FBXL7: variants seen among roughly 807,000 people sequenced by gnomAD.
FBXL7 encodes the protein F-box/LRR-repeat protein 7.
FBXL7 carries 12 observed loss-of-function variants against 38.3 expected under a neutral mutation model. The ratio of observed to expected loss-of-function variants is 0.31; its 90% CI spans 0.20 to 0.51. The LOEUF (loss-of-function observed/expected upper bound fraction) is 0.51. FBXL7 is among the 20% of genes least tolerant of loss of function. The pLI is 0.98. For synonymous variants in FBXL7, 297 were observed against 300.9 expected (o/e 0.99, Z 0.13); for missense variants, 567 against 676.4 (o/e 0.84, Z 1.79).
intron 2 of FBXL7, among the ~76,000 whole-genome samples, chr5:15,714,265 C>T (rs1380749981): frequency 6.6e-6 from 1 of 152,154 alleles, no homozygotes; most frequent in African/African-American, 2.4e-5. Context: ...TTGTTTAAAA[C>T]TGTGTGGCAC....
intron 2 of FBXL7, among the ~76,000 whole-genome samples, chr5:15,705,477 C>T (rs1743653813): frequency 6.6e-6 from 1 of 151,970 alleles, no homozygotes; most frequent in South Asian, 2.1e-4. Context: ...TTGGTCCTTG[C>T]CATTAAAGAG....
At chr5:15,784,227 C>T (rs928073434) in intron 2 of FBXL7, among the ~76,000 whole-genome samples, 9 of 152,114 alleles carry the variant, frequency 5.9e-5, no homozygotes, top group Admixed American at 3.9e-4. Flanking sequence ...AGTCAGGCAA[C>T]TCTGTGAGTA....
At chr5:15,546,486 G>A (rs1317342989) in intron 1 of FBXL7, among the ~76,000 whole-genome samples, 1 of 152,066 alleles carries the variant, frequency 6.6e-6, no homozygotes, top group Non-Finnish European at 1.5e-5. Flanking sequence ...AGAAATGCTT[G>A]AATCCGGGAT....
chr5:15,519,839 A>G (rs141317396), intron 1 of FBXL7, among the ~76,000 whole-genome samples: 93 of 152,318 alleles, frequency 6.1e-4, no homozygotes, highest in African/African-American at 2.1e-3. Context: ...GTCCAGATCC[A>G]GACCCTAAGA....
intron 2 of FBXL7, among the ~76,000 whole-genome samples, chr5:15,915,941 G>T (rs1366021334): frequency 6.6e-6 from 1 of 152,166 alleles, no homozygotes; most frequent in East Asian, 1.9e-4. Context: ...GGACTGATTA[G>T]ATATAGGTAG....
intron 2 of FBXL7, among the ~76,000 whole-genome samples, chr5:15,638,570 T>C (rs1741259900): frequency 6.6e-6 from 1 of 151,784 alleles, no homozygotes; most frequent in African/African-American, 2.4e-5. Flanking sequence ...GTCGAGTGCA[T>C]GCAGTAAGTG....
At chr5:15,634,384 C>T (rs535212951) in intron 2 of FBXL7, among the ~76,000 whole-genome samples, 10 of 143,530 alleles carry the variant, frequency 7.0e-5, no homozygotes, top group African/African-American at 2.1e-4. Flanking sequence ...TGCAGCAGTG[C>T]GATCTCAGCT....
intron 2 of FBXL7, among the ~76,000 whole-genome samples, chr5:15,845,440 A>T (rs1460564713): frequency 6.6e-6 from 1 of 152,058 alleles, no homozygotes; most frequent in African/African-American, 2.4e-5. Context: ...TAGCCAAGTA[A>T]CATACTTTTA....
intron 2 of FBXL7, among the ~76,000 whole-genome samples, chr5:15,913,597 C>T (rs1308633011): frequency 2.6e-5 from 4 of 152,078 alleles, no homozygotes; most frequent in African/African-American, 9.7e-5. Flanking sequence ...AAATTCAATA[C>T]TATGCCATCT....
At chr5:15,615,924 G>C (rs906596050) in intron 1 of FBXL7, 59 bp from the exon 2 acceptor site, 1 of 1,123,176 alleles carries the variant, frequency 8.9e-7, no homozygotes, top group Non-Finnish European at 1.3e-6. Flanking sequence ...CCGAGTGGAA[G>C]GCATGGTCCA....
intron 2 of FBXL7, among the ~76,000 whole-genome samples, chr5:15,633,354 A>G (rs1247962275): frequency 2.6e-5 from 4 of 152,196 alleles, no homozygotes; most frequent in Admixed American, 6.6e-5. Flanking sequence ...TTTTGTCAAC[A>G]TAAGTTTAGA....
At chr5:15,676,738 G>C (rs1742667169) in intron 2 of FBXL7, among the ~76,000 whole-genome samples, 1 of 152,166 alleles carries the variant, frequency 6.6e-6, no homozygotes, top group South Asian at 2.1e-4. Context: ...TGTTCAGAGG[G>C]GGCTGGCCAA....
chr5:15,858,858 TGTA>T (rs1402322360), intron 2 of FBXL7, among the ~76,000 whole-genome samples: 1 of 152,132 alleles, frequency 6.6e-6, no homozygotes, highest in Admixed American at 6.6e-5. Flanking sequence ...CCACCGGAAA[TGTA>T]GTATAATAAA....
intron 2 of FBXL7, among the ~76,000 whole-genome samples, chr5:15,647,297 G>C (rs1479055267): frequency 6.6e-6 from 1 of 152,222 alleles, no homozygotes; most frequent in Non-Finnish European, 1.5e-5. Context: ...GTAAGACACA[G>C]AAAAATCAAG....
At chr5:15,679,558 GTTTTT>G (rs34375125) in intron 2 of FBXL7, among the ~76,000 whole-genome samples, 3 of 125,134 alleles carry the variant, frequency 2.4e-5, no homozygotes, top group African/African-American at 3.0e-5. Context: ...ATGCTTCATT[GTTTTT>G]TTTTTTTTTT....
chr5:15,683,367 G>A (rs1742912250), intron 2 of FBXL7, among the ~76,000 whole-genome samples: 1 of 152,160 alleles, frequency 6.6e-6, no homozygotes, highest in African/African-American at 2.4e-5. Context: ...GGCTGAGCAG[G>A]GACCAGGACC....
At chr5:15,521,960 C>A (rs899311452) in intron 1 of FBXL7, among the ~76,000 whole-genome samples, 3 of 152,194 alleles carry the variant, frequency 2.0e-5, no homozygotes, top group African/African-American at 7.2e-5. Context: ...ATACCATTTT[C>A]ATTGCTGTTA....
chr5:15,643,342 G>A (rs1741428599), intron 2 of FBXL7, among the ~76,000 whole-genome samples: 1 of 152,142 alleles, frequency 6.6e-6, no homozygotes. Context: ...ATAAAATATA[G>A]CCAGGAATCA....
At chr5:15,717,956 A>G (rs1423896563) in intron 2 of FBXL7, among the ~76,000 whole-genome samples, 1 of 152,006 alleles carries the variant, frequency 6.6e-6, no homozygotes, top group African/African-American at 2.4e-5. Flanking sequence ...GACTCTATCT[A>G]TGTTAATGTT....
Sources: allele counts gnomAD v4.1 joint callset (sites outside exome capture counted in the v4.1 genomes callset), GRCh38; gene constraint gnomAD v4.1.1; transcripts MANE v1.5; gene names NCBI Gene and HGNC (gene_info 2026-07-23, HGNC 2026-07-21).